The following KCNJ12 variants were observed in gnomAD, a reference collection of about 807,000 sequenced individuals.
The protein encoded by KCNJ12 is ATP-sensitive inward rectifier potassium channel 12.
KCNJ12 carries 2 observed loss-of-function variants against 22.3 expected under a neutral mutation model. The ratio of observed to expected loss-of-function variants is 0.09; its 90% confidence interval spans 0.04 to 0.28. The LOEUF (loss-of-function observed/expected upper bound fraction) is 0.28, where lower values mean the gene tolerates loss of function less well. Among genes scored for constraint, KCNJ12 ranks in the 10% least tolerant of loss-of-function variants. The pLI is 1.00. For missense variants in KCNJ12, 155 were observed against 633.3 expected (o/e 0.24, Z 8.11); for synonymous variants, 117 against 261.4 (o/e 0.45, Z 5.33).
chr17:21,388,478 C>G (rs782804677), intron 1 of KCNJ12, among the ~76,000 whole-genome samples: 1 of 152,178 alleles, frequency 6.6e-6, no homozygotes, highest in Non-Finnish European at 1.5e-5. Context: ...TGCCCCTTGG[C>G]CAAGGGAGCT....
At chr17:21,412,122 A>G (rs1446531477) in intron 2 of KCNJ12, among the ~76,000 whole-genome samples, 962 of 151,126 alleles carry the variant, frequency 6.4e-3, no homozygotes, top group African/African-American at 0.022. Context: ...CTCAGTTTCC[A>G]GGGGTCCTGG....
At chr17:21,384,503 GGTCTGGGGGGCTTCAGA>G (rs1905004328) in intron 1 of KCNJ12, among the ~76,000 whole-genome samples, 1 of 152,154 alleles carries the variant, frequency 6.6e-6, no homozygotes, top group Non-Finnish European at 1.5e-5. Context: ...GAGCTCAGAG[GGTCTGGGGGGCTTCAGA>G]GTCGCAGCCT....
intron 1 of KCNJ12, among the ~76,000 whole-genome samples, chr17:21,397,016 G>A (rs879951398): frequency 6.6e-6 from 1 of 152,226 alleles, no homozygotes; most frequent in Non-Finnish European, 1.5e-5. Flanking sequence ...GGGCAAGTGT[G>A]TTTAGCTCTC....
At chr17:21,386,750 T>C (rs1905083147) in intron 1 of KCNJ12, among the ~76,000 whole-genome samples, 5 of 152,112 alleles carry the variant, frequency 3.3e-5, no homozygotes. Flanking sequence ...TTGTGATCCG[T>C]CTACCTTGGC....
At chr17:21,380,321 C>T (rs1904822483) in intron 1 of KCNJ12, among the ~76,000 whole-genome samples, 1 of 152,144 alleles carries the variant, frequency 6.6e-6, no homozygotes, top group African/African-American at 2.4e-5. Flanking sequence ...GGGCTGGAGA[C>T]CCCAGGCCCT....
chr17:21,409,498 G>T (rs1455829342), intron 2 of KCNJ12, among the ~76,000 whole-genome samples: 1 of 152,310 alleles, frequency 6.6e-6, no homozygotes, highest in Non-Finnish European at 1.5e-5. Flanking sequence ...GTGATAAAGG[G>T]CATGTCATTG....
intron 1 of KCNJ12, among the ~76,000 whole-genome samples, chr17:21,400,584 A>G (rs1268361790): frequency 6.6e-5 from 10 of 152,296 alleles, no homozygotes; most frequent in Non-Finnish European, 1.5e-4. Context: ...CGGGGAATGA[A>G]CAAGTGGCTG....
At chr17:21,382,887 A>G (rs115662549) in intron 1 of KCNJ12, among the ~76,000 whole-genome samples, 1,984 of 152,196 alleles carry the variant, frequency 0.013, 51 homozygotes, top group African/African-American at 0.045. Context: ...CCCTGCCTCC[A>G]CCCCAAGGGT....
At chr17:21,395,589 A>G (rs1239344812) in intron 1 of KCNJ12, among the ~76,000 whole-genome samples, 4 of 151,286 alleles carry the variant, frequency 2.6e-5, no homozygotes, top group Non-Finnish European at 5.9e-5. Flanking sequence ...AAAAAAAAAA[A>G]AAAAAGAAAG....
At chr17:21,384,770 G>GTTTTTTTTTTTTT (rs200586129) in intron 1 of KCNJ12, among the ~76,000 whole-genome samples, 3 of 128,674 alleles carry the variant, frequency 2.3e-5, no homozygotes, top group Non-Finnish European at 1.7e-5. Context: ...TTGTTTGTTT[G>GTTTTTTTTTTTTT]TTTTTTTTTT....
chr17:21,405,554 C>T lies in KCNJ12; in HGVS notation c.-178-2965C>T, dbSNP rs1173201913. 4.6e-5 allele frequency among the ~76,000 whole-genome samples: 7 copies of T among 152,264 alleles called. No individual in the cohort carries two copies. In the South Asian group the frequency reaches 1.2e-3, roughly 27 times the overall value. On this transcript the variant is annotated intron_variant, in intron 1 of 2. Transcript: ENST00000583088. The stretch of plus-strand genomic sequence containing the variant: ...TCGTTTTTCAGAGGAAGCTGAGCCT[C>T]AGGAAGGGGAAGTGCCTTGCCCTGT...
intron 1 of KCNJ12, among the ~76,000 whole-genome samples, chr17:21,392,818 G>A (rs1190691195): frequency 6.6e-6 from 1 of 152,242 alleles, no homozygotes; most frequent in Non-Finnish European, 1.5e-5. Flanking sequence ...GGTGTGGGCA[G>A]CACGGTCGGG....
intron 2 of KCNJ12, among the ~76,000 whole-genome samples, chr17:21,411,520 C>A (rs1906348814): frequency 1.3e-5 from 2 of 152,312 alleles, no homozygotes; most frequent in African/African-American, 4.8e-5. Context: ...CTCCCGGCGA[C>A]CCTGGGACCC....
chr17:21,387,061 CAGG>C (rs1364454092), intron 1 of KCNJ12, among the ~76,000 whole-genome samples: 4 of 152,136 alleles, frequency 2.6e-5, no homozygotes, highest in African/African-American at 7.2e-5. Context: ...GAGGCTGAGG[CAGG>C]AGAATGGCGT....
intron 1 of KCNJ12, among the ~76,000 whole-genome samples, chr17:21,407,300 C>T (rs1224013691): frequency 6.6e-6 from 1 of 152,298 alleles, no homozygotes; most frequent in Non-Finnish European, 1.5e-5. Flanking sequence ...ATCCACCTGT[C>T]CATCTATCCA....
intron 1 of KCNJ12, among the ~76,000 whole-genome samples, chr17:21,387,816 C>T (rs1403385303): frequency 1.3e-5 from 2 of 152,186 alleles, no homozygotes; most frequent in African/African-American, 2.4e-5. Flanking sequence ...TTCCTGGACA[C>T]GGAGGTCCTC....
At chr17:21,385,285 A>G (rs1555558517) in intron 1 of KCNJ12, among the ~76,000 whole-genome samples, 1 of 152,190 alleles carries the variant, frequency 6.6e-6, no homozygotes, top group African/African-American at 2.4e-5. Context: ...TGGGGATCAG[A>G]TATACCTGGT....
At chr17:21,383,126 T>C (rs16962125) in intron 1 of KCNJ12, among the ~76,000 whole-genome samples, 6,039 of 151,926 alleles carry the variant, frequency 0.04, 386 homozygotes, top group African/African-American at 0.14. Context: ...ATAGAGAGGA[T>C]GAAAGGCCGG....
chr17:21,405,601 A>G (rs1905881793), intron 1 of KCNJ12, among the ~76,000 whole-genome samples: 1 of 152,284 alleles, frequency 6.6e-6, no homozygotes, highest in Non-Finnish European at 1.5e-5. Flanking sequence ...TTTCAGCCCC[A>G]GCCTCAGCCC....
Sources: allele counts gnomAD v4.1 joint callset (sites outside exome capture counted in the v4.1 genomes callset), GRCh38; gene constraint gnomAD v4.1.1; transcripts MANE v1.5; gene names NCBI Gene and HGNC (gene_info 2026-07-23, HGNC 2026-07-21).